GSE1: variants seen among roughly 807,000 people sequenced by gnomAD.
GSE1 encodes genetic suppressor element 1.
Under a neutral mutation model 112.6 loss-of-function variants are expected in GSE1, and 32 were observed. The ratio of observed to expected loss-of-function variants is 0.28; its 90% CI spans 0.21 to 0.38. The LOEUF is 0.38. GSE1 is among the 10% of genes least tolerant of loss of function. The pLI is 1.00. For synonymous variants in GSE1, 1,115 were observed against 735.6 expected (o/e 1.52, Z -8.35); for missense variants, 2,348 against 1,699.2 (o/e 1.38, Z -6.71).
At chr16:85,357,678 G>A (rs1030498351) in intron 2 of GSE1, 4 of 1,260,182 alleles carry the variant, frequency 3.2e-6, no homozygotes, top group Admixed American at 2.3e-5. Context: ...TCTGGGTACT[G>A]GGCTGGGATG....
chr16:85,330,143 G>T (rs900365168), intron 1 of GSE1, among the ~76,000 whole-genome samples: 3 of 152,202 alleles, frequency 2.0e-5, no homozygotes, highest in African/African-American at 7.2e-5. Flanking sequence ...GCCGAGCAGG[G>T]ACCCCAGGGC....
intron 1 of GSE1, among the ~76,000 whole-genome samples, chr16:85,258,155 G>T (rs1451475643): frequency 6.6e-6 from 1 of 152,244 alleles, no homozygotes; most frequent in African/African-American, 2.4e-5. Flanking sequence ...CCAGCAGGCA[G>T]CAGGGGCCTC....
intron 1 of GSE1, among the ~76,000 whole-genome samples, chr16:85,194,604 G>A (rs564781124): frequency 2.6e-5 from 4 of 152,296 alleles, no homozygotes; most frequent in South Asian, 4.1e-4. Context: ...AATGACTCGA[G>A]TGTTGGGATT....
intron 2 of GSE1, among the ~76,000 whole-genome samples, chr16:85,637,945 C>T (rs1000768929): frequency 6.6e-6 from 1 of 152,184 alleles, no homozygotes; most frequent in Non-Finnish European, 1.5e-5. Context: ...AGCAGGGCAG[C>T]TCCCAGAGCT....
chr16:85,423,507 G>T (rs2048899000), intron 2 of GSE1, among the ~76,000 whole-genome samples: 1 of 152,220 alleles, frequency 6.6e-6, no homozygotes, highest in Admixed American at 6.5e-5. Flanking sequence ...ATTCCAGTGT[G>T]CAGCCAGGGC....
intron 1 of GSE1, among the ~76,000 whole-genome samples, chr16:85,218,683 A>G (rs2075342696): frequency 6.6e-6 from 1 of 152,224 alleles, no homozygotes; most frequent in African/African-American, 2.4e-5. Flanking sequence ...TGACGGGCCC[A>G]GCTCTGCGCC....
At chr16:85,186,752 A>G (rs1218434527) in intron 1 of GSE1, among the ~76,000 whole-genome samples, 1 of 152,178 alleles carries the variant, frequency 6.6e-6, no homozygotes, top group Non-Finnish European at 1.5e-5. Context: ...GTGACAGAGT[A>G]AGACCCTATA....
intron 1 of GSE1, among the ~76,000 whole-genome samples, chr16:85,281,039 T>C (rs2044842641): frequency 6.6e-6 from 1 of 152,040 alleles, no homozygotes; most frequent in African/African-American, 2.4e-5. Context: ...GCGGGGAAGT[T>C]TGAGATGAAC....
chr16:85,641,536 T>C (rs1299458125), intron 2 of GSE1, among the ~76,000 whole-genome samples: 1 of 152,218 alleles, frequency 6.6e-6, no homozygotes, highest in Non-Finnish European at 1.5e-5. Context: ...CTACTTGGTC[T>C]CCTGCTTCTC....
At chr16:85,180,329 G>A (rs117146120) in intron 1 of GSE1, among the ~76,000 whole-genome samples, 7,398 of 152,318 alleles carry the variant, frequency 0.049, 259 homozygotes, top group Non-Finnish European at 0.068. Context: ...GGGGAGAGGA[G>A]GCAGCCCAGG....
intron 2 of GSE1, among the ~76,000 whole-genome samples, chr16:85,424,301 A>G (rs2048917288): frequency 6.6e-6 from 1 of 152,198 alleles, no homozygotes; most frequent in Non-Finnish European, 1.5e-5. Context: ...TCGAGGCTTG[A>G]GGTTCTTGGC....
intron 2 of GSE1, among the ~76,000 whole-genome samples, chr16:85,420,880 T>C (rs1384275303): frequency 6.6e-6 from 1 of 152,010 alleles, no homozygotes; most frequent in Non-Finnish European, 1.5e-5. Context: ...GGGGCGCCCC[T>C]ACCGGCTGCG....
intron 1 of GSE1, among the ~76,000 whole-genome samples, chr16:85,265,289 G>C (rs1807172365): frequency 6.6e-6 from 1 of 152,196 alleles, no homozygotes; most frequent in Non-Finnish European, 1.5e-5. Context: ...CTGCCTGCCT[G>C]CAAGCCAGTT....
At chr16:85,207,638 G>A (rs1234582606) in intron 1 of GSE1, among the ~76,000 whole-genome samples, 2 of 152,342 alleles carry the variant, frequency 1.3e-5, no homozygotes, top group Non-Finnish European at 2.9e-5. Context: ...AGCCAGATGA[G>A]GCTGGGTTGA....
upstream of GSE1, among the ~76,000 whole-genome samples, chr16:85,607,549 G>A (rs752836733): frequency 7.2e-5 from 11 of 152,186 alleles, no homozygotes; most frequent in Non-Finnish European, 1.2e-4. Context: ...GGGGCAGCCC[G>A]GGGTTAAGAG....
intron 2 of GSE1, among the ~76,000 whole-genome samples, chr16:85,460,802 G>A (rs1355017123): frequency 1.3e-5 from 2 of 150,458 alleles, no homozygotes; most frequent in East Asian, 3.9e-4. Flanking sequence ...CGGCAATGGA[G>A]AAGGAGCTGA....
chr16:85,414,389 G>A (rs749325823), intron 2 of GSE1, among the ~76,000 whole-genome samples: 3 of 152,180 alleles, frequency 2.0e-5, no homozygotes, highest in Admixed American at 6.5e-5. Flanking sequence ...CGCAGGCCAT[G>A]TACACATCTT....
rs901017766 is a variant in GSE1 at position 85,673,921 on chromosome 16, C to T, written c.*1382C>T. ...GTTTAAACGCAAAGCTTTGTAAAAG[C>T]CACAAGGTCTGAGCTGAACCCCTCC... On this transcript the variant is annotated 3_prime_UTR_variant, in exon 16 of 16. Transcript: ENST00000253458. The T allele has an allele frequency of 6.6e-6, 1 of 152,090 alleles. No individual in the cohort carries two copies. Among genetic ancestry groups the T allele is most frequent in the African/African-American group, 2.4e-5 (1 of 41,294 alleles). 9.4% of individuals were successfully genotyped at this position (152,090 alleles called of 1,614,324 possible).
At chr16:85,548,600 G>A (rs2044788832) in intron 2 of GSE1, among the ~76,000 whole-genome samples, 1 of 152,178 alleles carries the variant, frequency 6.6e-6, no homozygotes. Context: ...CGGGTGAGTA[G>A]TATTCCATTG....
Sources: allele counts gnomAD v4.1 joint callset (sites outside exome capture counted in the v4.1 genomes callset), GRCh38; gene constraint gnomAD v4.1.1; transcripts MANE v1.5; gene names NCBI Gene and HGNC (gene_info 2026-07-23, HGNC 2026-07-21).